Variants in FAM135B observed in about 807,000 individuals in gnomAD.
FAM135B encodes the protein protein FAM135B.
A neutral mutation model predicts 127.7 loss-of-function variants in FAM135B; 43 were observed. The ratio of observed to expected loss-of-function variants is 0.34; its 90% CI spans 0.26 to 0.43. The LOEUF (loss-of-function observed/expected upper bound fraction) is 0.43. Ranked by LOEUF, FAM135B falls within the 20% of genes least tolerant of loss-of-function variation. FAM135B has a pLI of 1.00. For missense variants in FAM135B, 1,558 were observed against 1,725.6 expected, an observed-to-expected ratio of 0.90 and a Z score of 1.72; for synonymous variants, 670 against 665.1, an observed-to-expected ratio of 1.01 and a Z score of -0.11.
intron 2 of FAM135B, among the ~76,000 whole-genome samples, chr8:138,340,754 A>G (rs1384072073): frequency 6.6e-6 from 1 of 152,016 alleles, no homozygotes; most frequent in Non-Finnish European, 1.5e-5. Flanking sequence ...GAGTCAGCCC[A>G]TGCCCCTGAG....
At position 138,307,000 on chromosome 8, in the gene FAM135B, G is replaced by A. The variant is rs191005946; in HGVS notation, c.157+3841C>T. ...CATTCCTGTATCCCACTCTCTTATCGTCCATCGATGTCCATCTTCCCATCT... is the reference window on the plus strand; with the variant it reads ...CATTCCTGTATCCCACTCTCTTATCATCCATCGATGTCCATCTTCCCATCT... On this transcript the variant is annotated intron_variant, in intron 3 of 19. Coordinates refer to ENST00000395297, the MANE Select transcript of FAM135B (RefSeq NM_015912.4). Among the ~76,000 whole-genome samples the A allele has an allele frequency of 4.6e-5, 7 of 152,194 alleles. No homozygotes were observed. In the East Asian group the frequency reaches 9.7e-4, roughly 21 times the overall value.
chr8:138,348,534 A>G (rs1829568978), intron 2 of FAM135B, among the ~76,000 whole-genome samples: 2 of 152,178 alleles, frequency 1.3e-5, no homozygotes, highest in African/African-American at 4.8e-5. Context: ...CTGTGACTCA[A>G]TCCTTCACCA....
At chr8:138,329,737 A>G (rs1193940984) in intron 2 of FAM135B, among the ~76,000 whole-genome samples, 1 of 152,168 alleles carries the variant, frequency 6.6e-6, no homozygotes, top group Non-Finnish European at 1.5e-5. Flanking sequence ...ACGAAGCAGT[A>G]GGTGGGAGAA....
chr8:138,249,413 C>T (rs1821537383), intron 6 of FAM135B, among the ~76,000 whole-genome samples: 1 of 152,214 alleles, frequency 6.6e-6, no homozygotes, highest in Non-Finnish European at 1.5e-5. Context: ...AATGGGCCCA[C>T]TTCACTGGAC....
chr8:138,351,683 C>G (rs966658503), intron 2 of FAM135B, among the ~76,000 whole-genome samples: 3 of 109,474 alleles, frequency 2.7e-5, no homozygotes, highest in African/African-American at 6.8e-5. Context: ...TAGGGCAGAT[C>G]TTTTTTTTTT....
At chr8:138,369,455 T>C (rs2131226094) in intron 1 of FAM135B, among the ~76,000 whole-genome samples, 1 of 152,348 alleles carries the variant, frequency 6.6e-6, no homozygotes, top group African/African-American at 2.4e-5. Flanking sequence ...CTTAACTGCA[T>C]CTCAGCTCAG....
At chr8:138,219,323 T>A (rs1034297581) in intron 7 of FAM135B, among the ~76,000 whole-genome samples, 8 of 152,300 alleles carry the variant, frequency 5.3e-5, no homozygotes, top group African/African-American at 1.9e-4. Context: ...CAGGTTGATA[T>A]TTTAGAAGAA....
chr8:138,472,936 T>G (rs1037100055), intron 1 of FAM135B, among the ~76,000 whole-genome samples: 2 of 152,176 alleles, frequency 1.3e-5, no homozygotes, highest in Non-Finnish European at 2.9e-5. Flanking sequence ...GGAGCACATT[T>G]TATCTGGAGG....
At chr8:138,494,523 G>C (rs1411715840) in intron 1 of FAM135B, among the ~76,000 whole-genome samples, 1 of 152,156 alleles carries the variant, frequency 6.6e-6, no homozygotes, top group Non-Finnish European at 1.5e-5. Context: ...CATTTGAGTT[G>C]GGTTGTTAAA....
At chr8:138,456,056 C>G (rs972708278) in intron 1 of FAM135B, among the ~76,000 whole-genome samples, 4 of 152,278 alleles carry the variant, frequency 2.6e-5, no homozygotes, top group Admixed American at 6.5e-5. Context: ...GTAATGTCAG[C>G]ACATAGTAGG....
rs1816732248 is a variant in FAM135B at position 138,137,133 on chromosome 8, T to G, written c.4015+14A>C. 2 of 1,341,008 alleles carry G rather than the reference T, an allele frequency of 1.5e-6. No homozygotes were observed. Among genetic ancestry groups the G allele is most frequent in the Admixed American group, 1.7e-5 (1 of 57,708 alleles). 83.1% of individuals were successfully genotyped at this position (1,341,008 alleles called of 1,614,324 possible). A position where few individuals can be genotyped will look rare whatever the true frequency, so the allele number is the denominator to read the frequency against. On this transcript the variant is annotated intron_variant, in intron 19 of 19. Coordinates refer to ENST00000395297, the MANE Select transcript of FAM135B (RefSeq NM_015912.4). Reference sequence around the variant, plus strand: ...AATTAGAAAGTCCCTGAGCAAAAATTAAATGTAGCTTACCTGTGTGTCTGT... The same window carrying G: ...AATTAGAAAGTCCCTGAGCAAAAATGAAATGTAGCTTACCTGTGTGTCTGT...
chr8:138,445,377 T>C (rs1228523103), intron 1 of FAM135B, among the ~76,000 whole-genome samples: 1 of 152,168 alleles, frequency 6.6e-6, no homozygotes, highest in African/African-American at 2.4e-5. Context: ...CCAATATCCT[T>C]GATGAACATT....
intron 3 of FAM135B, among the ~76,000 whole-genome samples, chr8:138,306,584 C>CT (rs11286136): frequency 4.7e-4 from 54 of 114,738 alleles, no homozygotes; most frequent in African/African-American, 1.4e-3. Flanking sequence ...GTGTATCATT[C>CT]TTTTTTTTTT....
intron 7 of FAM135B, among the ~76,000 whole-genome samples, chr8:138,239,143 C>T (rs1820527995): frequency 6.6e-6 from 1 of 152,212 alleles, no homozygotes; most frequent in African/African-American, 2.4e-5. Flanking sequence ...TCCCATTTCA[C>T]AGTTAAGAAA....
chr8:138,339,865 C>T (rs1828919614), intron 2 of FAM135B, among the ~76,000 whole-genome samples: 1 of 152,206 alleles, frequency 6.6e-6, no homozygotes, highest in Non-Finnish European at 1.5e-5. Context: ...TCCTGTTCAT[C>T]AGGATGGAGA....
intron 2 of FAM135B, among the ~76,000 whole-genome samples, chr8:138,344,584 T>C (rs1829281057): frequency 6.7e-6 from 1 of 148,364 alleles, no homozygotes; most frequent in Non-Finnish European, 1.5e-5. Context: ...TTTCTTTTTT[T>C]TTTTTTTTTG....
chr8:138,396,725 C>T (rs1018434430), intron 1 of FAM135B, among the ~76,000 whole-genome samples: 2 of 152,082 alleles, frequency 1.3e-5, no homozygotes, highest in African/African-American at 4.8e-5. Context: ...CACTTTACCT[C>T]GCTCAGGAAA....
Position 138,141,081 on chromosome 8 carries a change from A to T in FAM135B, c.3790+117T>A. 1 of 979,524 alleles carries T rather than the reference A, an allele frequency of 1.0e-6. No individual in the cohort carries two copies. The highest frequency in any genetic ancestry group is 1.5e-6 in the Non-Finnish European group (1 of 655,622). 60.7% of individuals were successfully genotyped at this position (979,524 alleles called of 1,614,324 possible). On this transcript the variant is annotated intron_variant, in intron 17 of 19. Transcript: ENST00000395297. This position sits in a 1 kb window ranked among gnomAD's most constrained non-coding sequence, Gnocchi z 4.7. ...AGGCCAGGACTCCTCCCTCCATGCC[A>T]TGCTTGGAAAAGACTGCACAGTCAC...
intron 7 of FAM135B, among the ~76,000 whole-genome samples, chr8:138,215,713 T>A (rs945804405): frequency 1.3e-5 from 2 of 152,206 alleles, no homozygotes; most frequent in East Asian, 3.9e-4. Flanking sequence ...GATACATCAA[T>A]AATAATTGTC....
Sources: gnomAD v4.1 joint callset for allele counts (sites outside exome capture counted in the v4.1 genomes callset) on GRCh38, gnomAD v4.1.1 for gene constraint, Gnocchi (gnomAD v3.1) non-coding constraint, MANE v1.5 for transcripts, NCBI Gene and HGNC (gene_info 2026-07-23, HGNC 2026-07-21) for gene names.